Variants in EPHB2 observed in about 807,000 individuals in gnomAD.
The protein encoded by EPHB2 is ephrin type-B receptor 2.
EPHB2 carries 18 observed loss-of-function variants against 96.4 expected under a neutral mutation model. That is an observed-to-expected ratio of 0.19 (90% CI 0.13 to 0.28). The LOEUF (loss-of-function observed/expected upper bound fraction) is 0.28, where lower values mean the gene tolerates loss of function less well. EPHB2 is among the 10% of genes least tolerant of loss of function. The pLI is 1.00. For synonymous variants in EPHB2, 506 were observed against 534.1 expected, an observed-to-expected ratio of 0.95 and a Z score of 0.72; for missense variants, 989 against 1,355.4, an observed-to-expected ratio of 0.73 and a Z score of 4.25.
At chr1:22,782,639 T>C (rs1320475131) in intron 2 of EPHB2, among the ~76,000 whole-genome samples, 1 of 152,152 alleles carries the variant, frequency 6.6e-6, no homozygotes, top group African/African-American at 2.4e-5. Context: ...TTGGGGTGTT[T>C]AGGCTGCAGG....
chr1:22,906,993 G>A lies in EPHB2; in HGVS notation c.2136+36G>A, dbSNP rs1412358925. 1 of 1,574,088 alleles carries A rather than the reference G, an allele frequency of 6.4e-7. No homozygotes were observed. On this transcript the variant is annotated intron_variant, in intron 11 of 15. Transcript: ENST00000374630. The surrounding 1 kb of genome is among the most constrained non-coding windows in gnomAD (Gnocchi z 4.8). ...CCAAGAGGGCCAGGGGCCCATGAAT[G>A]GGGCAGGAAAAGGAACGATGGACAT...
intron 5 of EPHB2, among the ~76,000 whole-genome samples, chr1:22,874,454 C>G (rs1349943036): frequency 6.6e-6 from 1 of 152,188 alleles, no homozygotes; most frequent in Non-Finnish European, 1.5e-5. Context: ...TTCCCCAGCA[C>G]AAAGCCCAGG....
chr1:22,825,452 G>A (rs4417035), intron 3 of EPHB2, among the ~76,000 whole-genome samples: 151,340 of 152,308 alleles, frequency 0.99, 75,196 homozygotes, highest in Middle Eastern at 1. Flanking sequence ...GGGGGTGAGC[G>A]GAGCACTGGT....
chr1:22,722,890 A>T (rs1289684279), intron 1 of EPHB2, among the ~76,000 whole-genome samples: 1 of 152,228 alleles, frequency 6.6e-6, no homozygotes, highest in Non-Finnish European at 1.5e-5. Flanking sequence ...AGGAAGAGCC[A>T]GGTGAAGAAG....
intron 1 of EPHB2, among the ~76,000 whole-genome samples, chr1:22,767,949 C>T (rs375983238): frequency 6.6e-6 from 1 of 152,204 alleles, no homozygotes; most frequent in South Asian, 2.1e-4. Context: ...GAGAAAATGT[C>T]CCAGCAGAGC....
chr1:22,713,126 G>A (rs1431357988), intron 1 of EPHB2, among the ~76,000 whole-genome samples: 1 of 152,140 alleles, frequency 6.6e-6, no homozygotes, highest in African/African-American at 2.4e-5. Context: ...TTGGGGGCAG[G>A]GTGGGGAAGG....
intron 1 of EPHB2, among the ~76,000 whole-genome samples, chr1:22,742,410 C>T (rs1643915427): frequency 6.6e-6 from 1 of 152,190 alleles, no homozygotes. Context: ...GTTCCCAGCT[C>T]CTGGACCTCA....
chr1:22,746,788 C>T (rs1226557817), intron 1 of EPHB2, among the ~76,000 whole-genome samples: 1 of 152,164 alleles, frequency 6.6e-6, no homozygotes, highest in Non-Finnish European at 1.5e-5. Context: ...GACCTTCCCA[C>T]GAGGGTGTAG....
At chr1:22,870,378 A>G (rs924758643) in intron 5 of EPHB2, among the ~76,000 whole-genome samples, 25 of 152,126 alleles carry the variant, frequency 1.6e-4, no homozygotes, top group African/African-American at 6.0e-4. Flanking sequence ...AGGTCATGCC[A>G]CATACTCAGG....
chr1:22,755,037 T>G (rs1644128044), intron 1 of EPHB2, among the ~76,000 whole-genome samples: 1 of 150,856 alleles, frequency 6.6e-6, no homozygotes, highest in South Asian at 2.1e-4. Flanking sequence ...CCTCTCCTGC[T>G]CTTTGTTGCA....
At chr1:22,895,288 C>A (rs139367531) in intron 7 of EPHB2, among the ~76,000 whole-genome samples, 184 bp from the exon 8 acceptor site, 6 of 152,278 alleles carry the variant, frequency 3.9e-5, no homozygotes, top group Non-Finnish European at 8.8e-5. Flanking sequence ...ATGGACTTGT[C>A]CAGGGTTACT....
chr1:22,888,909 C>T (rs1412658324), intron 6 of EPHB2, among the ~76,000 whole-genome samples: 3 of 152,200 alleles, frequency 2.0e-5, no homozygotes, highest in Admixed American at 2.0e-4. Context: ...AATCCCAGCA[C>T]TTTGGGAAGC....
At chr1:22,907,021 C>T in intron 11 of EPHB2, 64 bp downstream of exon 11, 1 of 1,533,086 alleles carries the variant, frequency 6.5e-7, no homozygotes, top group Non-Finnish European at 8.8e-7. Flanking sequence ...ATGGACATAG[C>T]TTCATACTGT....
At chr1:22,912,667 G>A in intron 15 of EPHB2, 68 bp downstream of exon 15, 2 of 1,602,674 alleles carry the variant, frequency 1.2e-6, no homozygotes, top group Non-Finnish European at 1.7e-6. Context: ...CAGCCAAGTG[G>A]GGTGATCTGG....
chr1:22,911,182 T>TAAATAAATAAATAAATAAA (rs1322763874), intron 14 of EPHB2, among the ~76,000 whole-genome samples: 8 of 84,510 alleles, frequency 9.5e-5, no homozygotes, highest in African/African-American at 2.7e-4. Context: ...AAATAAATAA[T>TAAATAAATAAATAAATAAA]TACCAAAGGA....
intron 3 of EPHB2, among the ~76,000 whole-genome samples, chr1:22,861,846 A>G (rs1051562134): frequency 6.6e-6 from 1 of 152,262 alleles, no homozygotes; most frequent in Non-Finnish European, 1.5e-5. Flanking sequence ...ACTAATGTCC[A>G]GAGAAGCTGA....
chr1:22,751,972 T>G (rs1159434546), intron 1 of EPHB2, among the ~76,000 whole-genome samples: 1 of 152,220 alleles, frequency 6.6e-6, no homozygotes, highest in Admixed American at 6.5e-5. Context: ...AGTTCCACCC[T>G]GTGCACAGTG....
At chr1:22,834,257 G>A (rs944228271) in intron 3 of EPHB2, among the ~76,000 whole-genome samples, 1 of 152,100 alleles carries the variant, frequency 6.6e-6, no homozygotes, top group African/African-American at 2.4e-5. Context: ...GTCTCATACA[G>A]GACCACAAAC....
At chr1:22,736,431 G>C (rs1225431040) in intron 1 of EPHB2, among the ~76,000 whole-genome samples, 1 of 152,182 alleles carries the variant, frequency 6.6e-6, no homozygotes, top group Non-Finnish European at 1.5e-5. Flanking sequence ...GAGTTCCATG[G>C]GGCCCCCCTT....
Sources: gnomAD v4.1 joint callset for allele counts (sites outside exome capture counted in the v4.1 genomes callset) on GRCh38, gnomAD v4.1.1 for gene constraint, Gnocchi (gnomAD v3.1) non-coding constraint, MANE v1.5 for transcripts, NCBI Gene and HGNC (gene_info 2026-07-23, HGNC 2026-07-21) for gene names.